Variants in KSR2 observed in about 807,000 individuals in gnomAD.
KSR2 encodes the protein kinase suppressor of ras 2.
KSR2 carries 25 observed loss-of-function variants against 107.8 expected under a neutral mutation model. The observed-to-expected ratio is 0.23, with a 90% CI of 0.17 to 0.32. The LOEUF (loss-of-function observed/expected upper bound fraction) is 0.32, where lower values mean the gene tolerates loss of function less well. Ranked by LOEUF, KSR2 falls within the 10% of genes least tolerant of loss-of-function variation. The probability of loss-of-function intolerance (pLI) is 1.00; values close to 1 mark genes in which losing one functional copy is unlikely to be tolerated. For missense variants in KSR2, 887 were observed against 1,268.9 expected, an observed-to-expected ratio of 0.70 and a Z score of 4.57; for synonymous variants, 480 against 507.0, an observed-to-expected ratio of 0.95 and a Z score of 0.71.
chr12:117,748,122 C>T (rs758615779), intron 4 of KSR2, among the ~76,000 whole-genome samples: 3 of 152,148 alleles, frequency 2.0e-5, no homozygotes, highest in Non-Finnish European at 2.9e-5. Flanking sequence ...ACTATTTAGT[C>T]TTAAAAAACA....
At chr12:117,859,666 AG>A (rs1893223234) in intron 2 of KSR2, among the ~76,000 whole-genome samples, 1 of 151,590 alleles carries the variant, frequency 6.6e-6, no homozygotes, top group Non-Finnish European at 1.5e-5. Flanking sequence ...CATGTTGCCC[AG>A]GCTGGTCCCA....
intron 3 of KSR2, among the ~76,000 whole-genome samples, chr12:117,803,495 G>A (rs945662029): frequency 6.6e-6 from 1 of 152,120 alleles, no homozygotes; most frequent in Non-Finnish European, 1.5e-5. Flanking sequence ...GAGGTCAGGA[G>A]ATCATGACCA....
chr12:117,590,542 G>A (rs1880259052), intron 5 of KSR2, among the ~76,000 whole-genome samples: 1 of 152,320 alleles, frequency 6.6e-6, no homozygotes, highest in South Asian at 2.1e-4. Context: ...AGTGCCTGAT[G>A]TAGTATTGTT....
At chr12:117,702,330 G>A (rs769437647) in intron 4 of KSR2, among the ~76,000 whole-genome samples, 11 of 152,136 alleles carry the variant, frequency 7.2e-5, no homozygotes, top group Non-Finnish European at 1.2e-4. Flanking sequence ...TCTGTTCCAC[G>A]AGGGTGGGGA....
At chr12:117,732,272 T>A (rs1452748995) in intron 4 of KSR2, among the ~76,000 whole-genome samples, 2 of 151,808 alleles carry the variant, frequency 1.3e-5, no homozygotes, top group East Asian at 3.9e-4. Context: ...GATGACTCGG[T>A]GTCTGCTTCC....
chr12:117,732,271 G>C (rs1565985077), intron 4 of KSR2, among the ~76,000 whole-genome samples: 1 of 151,834 alleles, frequency 6.6e-6, no homozygotes, highest in African/African-American at 2.4e-5. Context: ...GGATGACTCG[G>C]TGTCTGCTTC....
intron 9 of KSR2, among the ~76,000 whole-genome samples, chr12:117,546,948 A>G (rs543060486): frequency 6.6e-6 from 1 of 152,330 alleles, no homozygotes; most frequent in Non-Finnish European, 1.5e-5. Flanking sequence ...AATGCTTTAA[A>G]AGTGTCATCA....
chr12:117,859,070 G>A (rs1893193824), intron 2 of KSR2, among the ~76,000 whole-genome samples: 1 of 150,670 alleles, frequency 6.6e-6, no homozygotes, highest in Non-Finnish European at 1.5e-5. Flanking sequence ...GACATAAGAT[G>A]TCAGATGCTC....
intron 1 of KSR2, among the ~76,000 whole-genome samples, chr12:117,958,890 GATATATAGAAAAAATAAGA>G (rs1896587985): frequency 9.4e-6 from 1 of 106,532 alleles, no homozygotes; most frequent in Admixed American, 8.3e-5. Flanking sequence ...ACTTTTTACA[GATATATAGAAAAAATAAGA>G]CCTAGTGTTG....
At chr12:117,781,710 A>C (rs527630083) in intron 3 of KSR2, among the ~76,000 whole-genome samples, 1 of 152,264 alleles carries the variant, frequency 6.6e-6, no homozygotes, top group African/African-American at 2.4e-5. Flanking sequence ...AATTTACACC[A>C]ATAAATATTT....
At chr12:117,570,142 A>G (rs998280052) in intron 7 of KSR2, among the ~76,000 whole-genome samples, 5 of 152,058 alleles carry the variant, frequency 3.3e-5, no homozygotes, top group Admixed American at 1.3e-4. Context: ...AGCTGGGACT[A>G]CAGGCGCCTG....
intron 3 of KSR2, among the ~76,000 whole-genome samples, chr12:117,800,305 G>A (rs955737524): frequency 6.6e-6 from 1 of 152,108 alleles, no homozygotes; most frequent in African/African-American, 2.4e-5. Flanking sequence ...GGTGGGTCCT[G>A]GGGGGTCTCT....
At chr12:117,967,241 A>G (rs777804340) in intron 1 of KSR2, among the ~76,000 whole-genome samples, 5 of 151,838 alleles carry the variant, frequency 3.3e-5, no homozygotes, top group Admixed American at 6.6e-5. Flanking sequence ...CACTCCCCCA[A>G]AAAACTGTTT....
At chr12:117,794,241 AC>A (rs2136994593) in intron 3 of KSR2, among the ~76,000 whole-genome samples, 1 of 93,212 alleles carries the variant, frequency 1.1e-5, no homozygotes, top group South Asian at 4.9e-4. Flanking sequence ...ATGCACACTC[AC>A]ACCAACATGC....
At chr12:117,728,898 G>T (rs138121367) in intron 4 of KSR2, among the ~76,000 whole-genome samples, 62 of 152,334 alleles carry the variant, frequency 4.1e-4, no homozygotes, top group African/African-American at 1.4e-3. Flanking sequence ...CAAGTGCTGA[G>T]ACTTGCTTCT....
chr12:117,622,165 T>C (rs1312288958), intron 5 of KSR2, among the ~76,000 whole-genome samples: 1 of 152,084 alleles, frequency 6.6e-6, no homozygotes, highest in Non-Finnish European at 1.5e-5. Flanking sequence ...TTTAGGCATA[T>C]CTCTACATCT....
At chr12:117,800,632 T>G (rs1890800163) in intron 3 of KSR2, among the ~76,000 whole-genome samples, 1 of 152,202 alleles carries the variant, frequency 6.6e-6, no homozygotes, top group African/African-American at 2.4e-5. Context: ...GTGCTGAACG[T>G]GCAGGTTTGT....
intron 4 of KSR2, among the ~76,000 whole-genome samples, chr12:117,681,767 C>T (rs1312591490): frequency 3.3e-5 from 5 of 152,142 alleles, no homozygotes; most frequent in Non-Finnish European, 7.3e-5. Flanking sequence ...CCACTTCTCC[C>T]AGCACCATTT....
chr12:117,499,204 C>T (rs1873219515), intron 14 of KSR2, among the ~76,000 whole-genome samples: 1 of 152,244 alleles, frequency 6.6e-6, no homozygotes, highest in Non-Finnish European at 1.5e-5. Context: ...GCCTGAATTA[C>T]TGTTTTAAAA....
Sources: gnomAD v4.1 joint callset for allele counts (sites outside exome capture counted in the v4.1 genomes callset) on GRCh38, gnomAD v4.1.1 for gene constraint, MANE v1.5 for transcripts, NCBI Gene and HGNC (gene_info 2026-07-23, HGNC 2026-07-21) for gene names.